Variants in CCDC30 observed in about 807,000 individuals in gnomAD.
CCDC30 encodes the protein coiled-coil domain-containing protein 30.
CCDC30 carries 70 observed loss-of-function variants against 100.2 expected under a neutral mutation model. The ratio of observed to expected loss-of-function variants is 0.70; its 90% confidence interval spans 0.58 to 0.85. CCDC30 has a LOEUF of 0.85. Ranked by LOEUF, CCDC30 falls within the 40% of genes least tolerant of loss-of-function variation. CCDC30 has a pLI of 0.00. For missense variants in CCDC30, 652 were observed against 771.2 expected, an observed-to-expected ratio of 0.85 and a Z score of 1.83; for synonymous variants, 233 against 269.5, an observed-to-expected ratio of 0.86 and a Z score of 1.33.
At chr1:42,644,787 A>C in exon 14 of CCDC30, 1 of 1,610,808 alleles carries the variant, frequency 6.2e-7, no homozygotes. Flanking sequence ...TATAAGGAGC[A>C]TCCATATTCG....
chr1:42,610,884 CTTTTT>C, intron 10 of CCDC30, 89 bp from the exon 15 acceptor site: 103 of 485,924 alleles, frequency 2.1e-4, no homozygotes, highest in Non-Finnish European at 2.5e-4. Flanking sequence ...TGACTATAAG[CTTTTT>C]TTTTTTTTTT....
chr1:42,461,459 C>T (rs1388683217), upstream of CCDC30, among the ~76,000 whole-genome samples: 1 of 152,106 alleles, frequency 6.6e-6, no homozygotes, highest in Non-Finnish European at 1.5e-5. Flanking sequence ...CCACAGCCTT[C>T]TGAGCAGCTG....
chr1:42,653,081 C>A (rs1570363901), intron 15 of CCDC30, among the ~76,000 whole-genome samples: 1 of 151,984 alleles, frequency 6.6e-6, no homozygotes, highest in African/African-American at 2.4e-5. Flanking sequence ...AAATTTTCTG[C>A]AATATCTCCA....
At chr1:42,517,693 T>C (rs1165784157) in intron 6 of CCDC30, among the ~76,000 whole-genome samples, 2 of 152,244 alleles carry the variant, frequency 1.3e-5, no homozygotes, top group South Asian at 4.1e-4. Flanking sequence ...GTCTTTGCAC[T>C]CTTGTTGAAA....
chr1:42,602,617 A>G (rs1231949207), intron 10 of CCDC30, among the ~76,000 whole-genome samples: 1 of 152,226 alleles, frequency 6.6e-6, no homozygotes, highest in African/African-American at 2.4e-5. Flanking sequence ...AATTGAATAG[A>G]ACTATATCTA....
chr1:42,612,000 T>A (rs1646635766), intron 11 of CCDC30, among the ~76,000 whole-genome samples: 1 of 152,208 alleles, frequency 6.6e-6, no homozygotes, highest in African/African-American at 2.4e-5. Flanking sequence ...CCTCTCAGTG[T>A]AAAATTTTTG....
intron 6 of CCDC30, among the ~76,000 whole-genome samples, chr1:42,564,185 T>C (rs1168971516): frequency 6.6e-6 from 1 of 152,222 alleles, no homozygotes; most frequent in Non-Finnish European, 1.5e-5. Flanking sequence ...GAATTCTTTA[T>C]CTATTCAGCA....
At chr1:42,479,317 A>G (rs1259850692) in intron 1 of CCDC30, among the ~76,000 whole-genome samples, 3 of 152,124 alleles carry the variant, frequency 2.0e-5, no homozygotes, top group Non-Finnish European at 1.5e-5. Flanking sequence ...TGGAGGTTGC[A>G]GTGAGCCAAG....
At chr1:42,499,807 T>C (rs1008055648) in intron 6 of CCDC30, among the ~76,000 whole-genome samples, 15 of 152,136 alleles carry the variant, frequency 9.9e-5, no homozygotes, top group Admixed American at 3.3e-4. Flanking sequence ...TTTTAAACTT[T>C]TTATTTGCGT....
At chr1:42,633,253 G>A (rs1389888022) in intron 11 of CCDC30, among the ~76,000 whole-genome samples, 1 of 152,224 alleles carries the variant, frequency 6.6e-6, no homozygotes, top group Non-Finnish European at 1.5e-5. Flanking sequence ...GGTAATGACT[G>A]AAGTTCTATA....
chr1:42,495,329 G>A (rs1482758507), intron 4 of CCDC30, among the ~76,000 whole-genome samples: 1 of 152,000 alleles, frequency 6.6e-6, no homozygotes, highest in Non-Finnish European at 1.5e-5. Context: ...ACACAGGAAG[G>A]GGAACATGAC....
At chr1:42,491,026 A>AAAAAAG (rs1644131391) in intron 4 of CCDC30, among the ~76,000 whole-genome samples, 2 of 152,264 alleles carry the variant, frequency 1.3e-5, no homozygotes, top group South Asian at 2.1e-4. Context: ...AAATTTGACT[A>AAAAAAG]TTTTAACGGT....
chr1:42,536,604 A>C lies in CCDC30; in HGVS notation c.457-29692A>C. ...AGGCCTTGAAAGTTGAAAGTGAGGT[A>C]TTACCATTCAGGAAGCTGTTTTCTT... On this transcript the variant is annotated intron_variant, in intron 6 of 16. Transcript: ENST00000668663. 4 of 1,559,148 alleles carry C rather than the reference A, an allele frequency of 2.6e-6. No individual in the cohort carries two copies. The highest frequency in any genetic ancestry group is 3.5e-6 in the Non-Finnish European group (4 of 1,136,284).
chr1:42,456,982 G>T, the CCDC30 span: 1 of 1,602,984 alleles, frequency 6.2e-7, no homozygotes, highest in Non-Finnish European at 8.5e-7. Context: ...AGGAGGCTGC[G>T]GCTGCAGGCA....
intron 11 of CCDC30, among the ~76,000 whole-genome samples, chr1:42,630,783 A>G (rs892296260): frequency 6.6e-6 from 1 of 152,030 alleles, no homozygotes; most frequent in African/African-American, 2.4e-5. Context: ...TGCCTATTGC[A>G]TTTTTCAGCT....
chr1:42,522,897 A>T (rs185593483), intron 6 of CCDC30, among the ~76,000 whole-genome samples: 95 of 151,912 alleles, frequency 6.3e-4, no homozygotes, highest in African/African-American at 2.2e-3. Flanking sequence ...TTTTTTTGAG[A>T]TGGAGTCTCA....
chr1:42,473,354 G>T (rs896451702), intron 1 of CCDC30: 1 of 1,020,200 alleles, frequency 9.8e-7, no homozygotes, highest in Non-Finnish European at 1.3e-6. Context: ...TTTGTTCATT[G>T]CCCTTCATTA....
chr1:42,471,619 G>A (rs1327546177), intron 1 of CCDC30, among the ~76,000 whole-genome samples: 2 of 152,134 alleles, frequency 1.3e-5, no homozygotes, highest in African/African-American at 2.4e-5. Flanking sequence ...ACAAATAACT[G>A]TATGATGCTC....
intron 6 of CCDC30, among the ~76,000 whole-genome samples, chr1:42,556,794 C>T (rs1264091875): frequency 1.3e-5 from 2 of 152,174 alleles, no homozygotes; most frequent in East Asian, 1.9e-4. Context: ...TCCATCTAAG[C>T]TCAGCAGGAA....
Sources: allele counts gnomAD v4.1 joint callset (sites outside exome capture counted in the v4.1 genomes callset), GRCh38; gene constraint gnomAD v4.1.1; transcripts MANE v1.5; gene names NCBI Gene and HGNC (gene_info 2026-07-23, HGNC 2026-07-21).